The following PSEN1 variants were observed in gnomAD, a reference collection of about 807,000 sequenced individuals.
PSEN1 encodes presenilin-1.
A neutral mutation model predicts 53.5 loss-of-function variants in PSEN1; 15 were observed. The ratio of observed to expected loss-of-function variants is 0.28; its 90% CI spans 0.19 to 0.43. The LOEUF (loss-of-function observed/expected upper bound fraction) is 0.43, where lower values mean the gene tolerates loss of function less well. PSEN1 is among the 20% of genes least tolerant of loss of function. The probability of loss-of-function intolerance (pLI) is 1.00; values close to 1 mark genes in which losing one functional copy is unlikely to be tolerated. For missense variants in PSEN1, 387 were observed against 571.2 expected, an observed-to-expected ratio of 0.68 and a Z score of 3.29; for synonymous variants, 208 against 209.8, an observed-to-expected ratio of 0.99 and a Z score of 0.08.
At chr14:73,160,164 C>CT (rs1566624002) in intron 3 of PSEN1, 1 of 167,704 alleles carries the variant, frequency 6.0e-6, no homozygotes, top group African/African-American at 2.4e-5. Context: ...CATTATTTCT[C>CT]TTTTAGTGAC....
At position 73,161,413 on chromosome 14, in the gene PSEN1, T is replaced by TACA. The variant is rs1429113320; in HGVS notation, c.88-9383_88-9382insCAA. Among the ~76,000 whole-genome samples the TACA allele has an allele frequency of 3.1e-3, 478 of 152,364 alleles. 2 individuals carry two copies. The highest frequency in any genetic ancestry group is 8.7e-3 in the African/African-American group (362 of 41,598). On this transcript the variant is annotated intron_variant, in intron 3 of 11. Transcript: ENST00000324501. ...TTTAATTTCTCTTAGCAATATTTTG[T>TACA]AAGTTTCATTGTACAGGATATTTGG...
intron 1 of PSEN1, among the ~76,000 whole-genome samples, chr14:73,143,670 A>G (rs1206529135): frequency 6.6e-6 from 1 of 152,176 alleles, no homozygotes; most frequent in Admixed American, 6.5e-5. Flanking sequence ...GGTTTCTTGT[A>G]ATAACCGAAC....
At position 73,173,566 on chromosome 14, in the gene PSEN1, A is replaced by G. The variant is rs1382127121; in HGVS notation, c.339A>G (p.Leu113=). The G allele has an allele frequency of 2.1e-5, 34 of 1,613,874 alleles. No individual in the cohort carries two copies. The highest frequency in any genetic ancestry group is 2.9e-5 in the Non-Finnish European group (34 of 1,179,910). The part of the protein sequence containing the change: ...VSFYTRKDGQ[L]IYTPFTEDTE... ...GGCTTTTGTGTTTGTTTTATTGTAG[A>G]ATCTATACCCCATTCACAGAAGATA... Residue 113 remains leucine (L), a splice_region_variant and synonymous_variant, in exon 5 of 12, where the codon CTA becomes CTG. Coordinates refer to ENST00000324501, the MANE Select transcript of PSEN1 (RefSeq NM_000021.4).
intron 1 of PSEN1, among the ~76,000 whole-genome samples, chr14:73,140,342 C>G (rs1270077990): frequency 1.3e-5 from 2 of 151,052 alleles, no homozygotes; most frequent in East Asian, 3.9e-4. Flanking sequence ...TCCCGAGTAG[C>G]TGGGACTACA....
At chr14:73,194,875 A>T (rs1247539809) in intron 7 of PSEN1, among the ~76,000 whole-genome samples, 2 of 152,048 alleles carry the variant, frequency 1.3e-5, no homozygotes, top group Non-Finnish European at 2.9e-5. Flanking sequence ...GCCTGGCCAT[A>T]CACTTTTGTC....
intron 5 of PSEN1, among the ~76,000 whole-genome samples, chr14:73,184,115 C>T (rs1379021331): frequency 8.6e-6 from 1 of 116,630 alleles, no homozygotes; most frequent in African/African-American, 3.6e-5. Flanking sequence ...GACCCCCCCC[C>T]ACCTCCCTCC....
rs1348938370 is a variant in PSEN1 at position 73,220,852 on chromosome 14, G to A, written c.*1563G>A. 6.6e-6 allele frequency: 1 copy of A among 152,240 alleles called. No homozygotes were observed. The highest frequency in any genetic ancestry group is 1.5e-5 in the Non-Finnish European group (1 of 68,078). The allele number at this position is 152,240 out of a possible 1,614,324, so 9.4% of individuals were successfully genotyped here. A position where few individuals can be genotyped will look rare whatever the true frequency, so the allele number is the denominator to read the frequency against. ...GCCTGTGTGGGCTCAGGGCACCTCT[G>A]GACAAAGGCTTGTGGGGCATAACCT... On this transcript the variant is annotated 3_prime_UTR_variant, in exon 12 of 12. Coordinates refer to ENST00000324501, the MANE Select transcript of PSEN1 (RefSeq NM_000021.4).
At chr14:73,140,092 T>G (rs955709509) in intron 1 of PSEN1, among the ~76,000 whole-genome samples, 23 of 151,952 alleles carry the variant, frequency 1.5e-4, no homozygotes, top group African/African-American at 5.6e-4. Context: ...TGAAATTAAA[T>G]AACTTATTGG....
intron 8 of PSEN1, among the ~76,000 whole-genome samples, chr14:73,203,760 G>C (rs1458282968): frequency 6.6e-6 from 1 of 152,070 alleles, no homozygotes; most frequent in Non-Finnish European, 1.5e-5. Context: ...GTTCACTCTG[G>C]GAGCTTAACT....
intron 8 of PSEN1, among the ~76,000 whole-genome samples, chr14:73,203,728 C>T (rs1340692916): frequency 6.6e-6 from 1 of 152,032 alleles, no homozygotes; most frequent in Non-Finnish European, 1.5e-5. Flanking sequence ...TTATTCTTAC[C>T]TAGTGGTCAT....
chr14:73,192,953 A>G lies in PSEN1; in HGVS notation c.769+89A>G, dbSNP rs1035348072. 7 of 1,008,782 alleles carry G rather than the reference A, an allele frequency of 6.9e-6. No homozygotes were observed. In the Admixed American group the frequency reaches 1.0e-4, roughly 15 times the overall value. The allele number at this position is 1,008,782 out of a possible 1,614,324, so 62.5% of individuals were successfully genotyped here. Reference sequence around the variant, plus strand: ...CATCTCTTTATCTTGATTTAGAGAAAATGGTAACGTGTACATCCCATAACT... The same window carrying G: ...CATCTCTTTATCTTGATTTAGAGAAGATGGTAACGTGTACATCCCATAACT... On this transcript the variant is annotated intron_variant, in intron 7 of 11. Coordinates refer to ENST00000324501, the MANE Select transcript of PSEN1 (RefSeq NM_000021.4).
At chr14:73,197,037 G>A (rs193085562) in intron 7 of PSEN1, among the ~76,000 whole-genome samples, 6 of 149,720 alleles carry the variant, frequency 4.0e-5, no homozygotes, top group Admixed American at 2.0e-4. Context: ...GGTTCACGCC[G>A]TTCTCCTGCC....
At chr14:73,201,455 C>CT (rs1899186561) in intron 8 of PSEN1, among the ~76,000 whole-genome samples, 1 of 152,162 alleles carries the variant, frequency 6.6e-6, no homozygotes, top group Non-Finnish European at 1.5e-5. Context: ...TATTTGCTGT[C>CT]TAAGATGTCA....
chr14:73,197,534 A>C (rs531128279), intron 7 of PSEN1, among the ~76,000 whole-genome samples: 1 of 152,262 alleles, frequency 6.6e-6, no homozygotes, highest in East Asian at 1.9e-4. Context: ...AGGAGAAGGG[A>C]TGAATTTCTT....
At chr14:73,172,225 C>T (rs1208347579) in intron 4 of PSEN1, among the ~76,000 whole-genome samples, 1 of 152,200 alleles carries the variant, frequency 6.6e-6, no homozygotes, top group Non-Finnish European at 1.5e-5. Context: ...CTAGTTCCAT[C>T]TCTACGACTC....
intron 6 of PSEN1, among the ~76,000 whole-genome samples, chr14:73,187,191 G>A (rs921311509): frequency 6.6e-6 from 1 of 152,204 alleles, no homozygotes; most frequent in Non-Finnish European, 1.5e-5. Flanking sequence ...TCTAGTAGAA[G>A]TCTGTGCATC....
At chr14:73,173,899 T>C (rs1595003120) in intron 5 of PSEN1, 192 bp downstream of exon 5, 1 of 719,980 alleles carries the variant, frequency 1.4e-6, no homozygotes, top group South Asian at 1.6e-5. Flanking sequence ...GCATGTGTAA[T>C]GCCAGGCTCA....
At chr14:73,214,216 A>AT (rs1899817074) in intron 10 of PSEN1, among the ~76,000 whole-genome samples, 1 of 152,304 alleles carries the variant, frequency 6.6e-6, no homozygotes, top group East Asian at 1.9e-4. Context: ...TGTGGGAAGT[A>AT]TATCTTGAAA....
At chr14:73,202,081 G>C (rs1176752571) in intron 8 of PSEN1, among the ~76,000 whole-genome samples, 1 of 151,934 alleles carries the variant, frequency 6.6e-6, no homozygotes. Context: ...GTCTTGCTCT[G>C]TTGCCCAGGC....
Sources: allele counts gnomAD v4.1 joint callset (sites outside exome capture counted in the v4.1 genomes callset), GRCh38; gene constraint gnomAD v4.1.1; transcripts MANE v1.5; gene names NCBI Gene and HGNC (gene_info 2026-07-23, HGNC 2026-07-21).